MILR1: variants seen among roughly 807,000 people sequenced by gnomAD.
The protein encoded by MILR1 is allergin-1.
In MILR1, 31 loss-of-function variants were observed where a neutral mutation model predicts 18.5. The observed-to-expected ratio is 1.68, with a 90% confidence interval of 1.26 to 2.26. The LOEUF (loss-of-function observed/expected upper bound fraction) is 2.26. Ranked by LOEUF, MILR1 falls within the 30% of genes most tolerant of loss-of-function variation. The pLI, the probability that MILR1 is intolerant of heterozygous loss-of-function variation, is 0.00. For missense variants in MILR1, 257 were observed against 157.4 expected, an observed-to-expected ratio of 1.63 and a Z score of -3.38; for synonymous variants, 85 against 56.2, an observed-to-expected ratio of 1.51 and a Z score of -2.30.
chr17:64,460,801 A>G (rs1360809871), intron 4 of MILR1, 21 bp from the exon 5 acceptor site: 1 of 474,480 alleles, frequency 2.1e-6, no homozygotes, highest in African/African-American at 2.0e-5. Context: ...ATGGTCACCA[A>G]TGGATGCGGT....
At chr17:64,497,142 C>T in the MILR1 span, 4 of 694,420 alleles carry the variant, frequency 5.8e-6, no homozygotes, top group Non-Finnish European at 7.7e-6. Context: ...CCGCAGCCGT[C>T]CCCCGCCCAC....
chr17:64,459,761 C>G (rs2037381147), intron 4 of MILR1, among the ~76,000 whole-genome samples: 2 of 152,152 alleles, frequency 1.3e-5, no homozygotes, highest in African/African-American at 4.8e-5. Flanking sequence ...AGTGTCTGGC[C>G]TGCAGCTAAA....
Position 64,465,557 on chromosome 17 carries a change from T to G in MILR1, c.853+16T>G. 5 of 1,593,764 alleles carry G rather than the reference T, an allele frequency of 3.1e-6. No homozygotes were observed. The highest frequency in any genetic ancestry group is 4.3e-6 in the Non-Finnish European group (5 of 1,170,030). On this transcript the variant is annotated intron_variant, in intron 6 of 9. Transcript: ENST00000619286. ...AAACAAGCAAGTAAGAGAACTTTGT[T>G]GCGTGTTTTGGGTGGTTTCAGGTTT...
chr17:64,475,391 G>T, the MILR1 span, among the ~76,000 whole-genome samples: 3 of 152,038 alleles, frequency 2.0e-5, no homozygotes, highest in African/African-American at 7.2e-5. Flanking sequence ...GCTCATGCCT[G>T]TAATCCCAGC....
intron 3 of MILR1, among the ~76,000 whole-genome samples, chr17:64,453,432 A>G (rs1175121624): frequency 6.6e-6 from 1 of 152,002 alleles, no homozygotes; most frequent in East Asian, 1.9e-4. Flanking sequence ...CATGTCAGAT[A>G]ATAGTCTTAT....
the MILR1 span, chr17:64,491,564 G>A: frequency 4.5e-6 from 7 of 1,551,228 alleles, no homozygotes; most frequent in Non-Finnish European, 6.2e-6. Flanking sequence ...AACTTCTGGA[G>A]GTCAAACTAG....
the MILR1 span, among the ~76,000 whole-genome samples, chr17:64,493,196 T>C: frequency 2.0e-5 from 3 of 152,150 alleles, no homozygotes; most frequent in Admixed American, 6.5e-5. Flanking sequence ...GGTGGGCAGA[T>C]TGCTTGAGCT....
At chr17:64,453,550 T>C (rs997944583) in intron 3 of MILR1, among the ~76,000 whole-genome samples, 2 of 149,982 alleles carry the variant, frequency 1.3e-5, no homozygotes, top group Admixed American at 6.7e-5. Context: ...TTTTTTTTTT[T>C]TTTTTTTCTG....
At chr17:64,482,544 T>C in the MILR1 span, among the ~76,000 whole-genome samples, 1 of 152,102 alleles carries the variant, frequency 6.6e-6, no homozygotes, top group South Asian at 2.1e-4. Flanking sequence ...GGTCTCGATC[T>C]CTTGACCTCG....
the MILR1 span, among the ~76,000 whole-genome samples, chr17:64,489,889 G>A: frequency 7.9e-5 from 12 of 152,030 alleles, no homozygotes; most frequent in African/African-American, 2.7e-4. Context: ...TCATCTTAAA[G>A]TATCTGCCCA....
chr17:64,469,142 A>G (rs1298284893), downstream of MILR1, among the ~76,000 whole-genome samples: 1 of 152,042 alleles, frequency 6.6e-6, no homozygotes, highest in Non-Finnish European at 1.5e-5. Flanking sequence ...GAAGGAAGGA[A>G]GGAAAGAGAG....
At chr17:64,491,062 C>G in the MILR1 span, 1 of 1,005,290 alleles carries the variant, frequency 9.9e-7, no homozygotes, top group African/African-American at 1.6e-5. Flanking sequence ...TTGTCCGATA[C>G]TTTTTATTCA....
chr17:64,454,252 A>G (rs1237506723), intron 3 of MILR1, among the ~76,000 whole-genome samples: 1 of 143,742 alleles, frequency 7.0e-6, no homozygotes, highest in Non-Finnish European at 1.5e-5. Context: ...TTAATAGCCT[A>G]TGTCACCCAG....
the MILR1 span, chr17:64,492,687 G>A: frequency 2.1e-5 from 33 of 1,608,524 alleles, no homozygotes; most frequent in East Asian, 4.5e-5. Flanking sequence ...CACTGGAGTC[G>A]ATGACGTAAC....
At chr17:64,449,467 C>A in intron 2 of MILR1, 112 bp downstream of exon 2, 1 of 411,938 alleles carries the variant, frequency 2.4e-6, no homozygotes, top group East Asian at 3.6e-5. Context: ...TTATGAACAA[C>A]CAAAGAACAG....
Position 64,452,608 on chromosome 17 carries a change from C to G in MILR1, c.109C>G (p.Pro37Ala), listed in dbSNP as rs1430731881. ...ATTTTGTTTTTCAGAATTCCCTTCT[C>G]CATGTTTGGACTCAAAGACTAAGGT... The part of the protein sequence containing the change: ...EAMKTNEFPS[P>A]CLDSKTKVVM... The change falls in exon 3 of 10, where the codon CCA becomes GCA. Residue 37 changes from proline to alanine, a missense_variant. Coordinates refer to ENST00000619286, the MANE Select transcript of MILR1 (RefSeq NM_001085423.2). 1 of 419,216 alleles carries G rather than the reference C, an allele frequency of 2.4e-6. No individual in the cohort carries two copies. The highest frequency in any genetic ancestry group is 2.0e-5 in the African/African-American group (1 of 49,078). The allele number at this position is 419,216 out of a possible 1,614,324, so 26.0% of individuals were successfully genotyped here.
At chr17:64,476,993 A>G in the MILR1 span, among the ~76,000 whole-genome samples, 1 of 152,218 alleles carries the variant, frequency 6.6e-6, no homozygotes, top group African/African-American at 2.4e-5. Context: ...TAAAAGTTAA[A>G]AGATTTCTTA....
At chr17:64,451,206 C>T (rs1013118425) in intron 2 of MILR1, among the ~76,000 whole-genome samples, 100 of 151,778 alleles carry the variant, frequency 6.6e-4, no homozygotes, top group African/African-American at 2.3e-3. Context: ...TGCAGTGGTG[C>T]GATCTTAGCT....
chr17:64,454,339 A>C (rs1373261630), intron 3 of MILR1, among the ~76,000 whole-genome samples: 1 of 152,216 alleles, frequency 6.6e-6, no homozygotes, highest in African/African-American at 2.4e-5. Context: ...AGATCCTCCC[A>C]CCTCAGCATC....
Sources: gnomAD v4.1 joint callset for allele counts (sites outside exome capture counted in the v4.1 genomes callset) on GRCh38, gnomAD v4.1.1 for gene constraint, MANE v1.5 for transcripts, NCBI Gene and HGNC (gene_info 2026-07-23, HGNC 2026-07-21) for gene names.